GLIS3: variants seen among roughly 807,000 people sequenced by gnomAD.
GLIS3 encodes zinc finger protein GLIS3.
A neutral mutation model predicts 78.6 loss-of-function variants in GLIS3; 53 were observed. The ratio of observed to expected loss-of-function variants is 0.67; its 90% CI spans 0.54 to 0.85. The LOEUF is 0.85. Ranked by LOEUF, GLIS3 falls within the 40% of genes least tolerant of loss-of-function variation. The probability of loss-of-function intolerance (pLI) is 0.00; values close to 1 mark genes in which losing one functional copy is unlikely to be tolerated. For missense variants in GLIS3, 1,703 were observed against 1,231.1 expected, an observed-to-expected ratio of 1.38 and a Z score of -5.74; for synonymous variants, 684 against 509.9, an observed-to-expected ratio of 1.34 and a Z score of -4.60.
chr9:4,467,894 A>C, the GLIS3 span, among the ~76,000 whole-genome samples: 1 of 152,238 alleles, frequency 6.6e-6, no homozygotes, highest in Non-Finnish European at 1.5e-5. Flanking sequence ...ACCTTGAAAA[A>C]AGATTAGACG....
chr9:3,969,349 T>G (rs1289935818), intron 4 of GLIS3, among the ~76,000 whole-genome samples: 1 of 152,090 alleles, frequency 6.6e-6, no homozygotes, highest in Non-Finnish European at 1.5e-5. Context: ...CGAGCAAACC[T>G]TGTGCTATAC....
chr9:4,446,580 G>C, the GLIS3 span, among the ~76,000 whole-genome samples: 4 of 139,464 alleles, frequency 2.9e-5, no homozygotes, highest in Admixed American at 1.5e-4. Flanking sequence ...CATGATTTTA[G>C]TTCACTGCAA....
the GLIS3 span, among the ~76,000 whole-genome samples, chr9:4,358,214 G>A: frequency 1.3e-5 from 2 of 152,162 alleles, no homozygotes; most frequent in Non-Finnish European, 2.9e-5. Flanking sequence ...ACTAGTTGCT[G>A]CTAGAAAGTG....
chr9:4,111,343 T>C (rs1326028000), intron 4 of GLIS3, among the ~76,000 whole-genome samples: 2 of 152,202 alleles, frequency 1.3e-5, no homozygotes, highest in Non-Finnish European at 2.9e-5. Flanking sequence ...TTTTCATTCA[T>C]CCTAGAATCA....
chr9:4,040,393 G>A (rs900603146), intron 4 of GLIS3, among the ~76,000 whole-genome samples: 4 of 152,068 alleles, frequency 2.6e-5, no homozygotes, highest in African/African-American at 7.2e-5. Flanking sequence ...TGGCTGTTAG[G>A]TTTTTAAATT....
chr9:4,208,529 T>A lies in GLIS3; in HGVS notation c.388+77509A>T, dbSNP rs553467914. ...AACAAGTGCTCTCTTCTGCCATTGC[T>A]GGAGTGGGCAGGATTGGAAGAGCCA... On this transcript the variant is annotated intron_variant, in intron 2 of 10. Coordinates refer to ENST00000381971, the MANE Select transcript of GLIS3 (RefSeq NM_001042413.2). Among the ~76,000 whole-genome samples the A allele has an allele frequency of 2.6e-5, 4 of 152,288 alleles. No individual in the cohort carries two copies. The South Asian group carries it at 6.2e-4, about 24-fold the overall frequency.
At chr9:4,105,266 C>A (rs1830662444) in intron 4 of GLIS3, among the ~76,000 whole-genome samples, 1 of 151,996 alleles carries the variant, frequency 6.6e-6, no homozygotes, top group Admixed American at 6.6e-5. Context: ...TGAAATTATC[C>A]CCCATTGGAG....
At chr9:4,135,304 A>G (rs1021749918) in intron 2 of GLIS3, among the ~76,000 whole-genome samples, 3 of 152,178 alleles carry the variant, frequency 2.0e-5, no homozygotes, top group Non-Finnish European at 4.4e-5. Context: ...AAAAAGAAAA[A>G]GCTCATAATC....
chr9:4,089,102 A>T (rs186921531), intron 4 of GLIS3, among the ~76,000 whole-genome samples: 8 of 152,378 alleles, frequency 5.3e-5, no homozygotes, highest in African/African-American at 1.9e-4. Flanking sequence ...TTTATGAACT[A>T]GTCCCAAATA....
intron 2 of GLIS3, among the ~76,000 whole-genome samples, chr9:4,311,955 A>C (rs1587379309): frequency 1.5e-5 from 1 of 65,800 alleles, no homozygotes; most frequent in South Asian, 7.4e-4. Flanking sequence ...ACACAGAGAG[A>C]AGAACTACAG....
At position 4,279,100 on chromosome 9, in the gene GLIS3, G is replaced by A. The variant is rs375449317; in HGVS notation, c.388+6938C>T. Among the ~76,000 whole-genome samples the A allele has an allele frequency of 2.6e-5, 4 of 151,852 alleles. No homozygotes were observed. In the East Asian group the frequency reaches 7.7e-4, roughly 29 times the overall value. On this transcript the variant is annotated intron_variant, in intron 2 of 10. Transcript: ENST00000381971. ...GTGGATCATGAGGTCAGGAGTTCAA[G>A]ACCAGCCTGGCCAAGATGGTGAAAC... is the stretch of plus-strand genomic sequence containing the variant.
chr9:4,119,606 T>C (rs1832029394), intron 3 of GLIS3, among the ~76,000 whole-genome samples: 1 of 152,156 alleles, frequency 6.6e-6, no homozygotes, highest in Non-Finnish European at 1.5e-5. Flanking sequence ...ATTAGAGCCA[T>C]TCGGGATTTA....
chr9:4,270,911 GTGTGTGTGTGTGTGTGTGTGTGTA>G (rs1201665128), intron 2 of GLIS3, among the ~76,000 whole-genome samples: 10 of 139,676 alleles, frequency 7.2e-5, no homozygotes, highest in Admixed American at 2.9e-4. Flanking sequence ...GTGTGTGTGT[GTGTGTGTGTGTGTGTGTGTGTGTA>G]TACACAACTG....
chr9:4,002,370 A>C (rs534969972), intron 4 of GLIS3, among the ~76,000 whole-genome samples: 1 of 152,298 alleles, frequency 6.6e-6, no homozygotes, highest in African/African-American at 2.4e-5. Context: ...AAGACAATAA[A>C]TTTGTGTTAT....
intron 4 of GLIS3, among the ~76,000 whole-genome samples, chr9:4,088,397 A>G (rs1829224074): frequency 6.6e-6 from 1 of 152,260 alleles, no homozygotes; most frequent in Non-Finnish European, 1.5e-5. Flanking sequence ...GGAAAAATAA[A>G]TGTTCTCATT....
intron 9 of GLIS3, among the ~76,000 whole-genome samples, chr9:3,835,521 G>A (rs1035344947): frequency 6.6e-6 from 1 of 152,194 alleles, no homozygotes; most frequent in Non-Finnish European, 1.5e-5. Flanking sequence ...CAGGCTAAGT[G>A]CTATAGTTTT....
chr9:4,241,128 C>T (rs144415654), intron 2 of GLIS3, among the ~76,000 whole-genome samples: 107 of 152,220 alleles, frequency 7.0e-4, no homozygotes, highest in Non-Finnish European at 1.1e-3. Context: ...AACAAGGAAA[C>T]CTGCTTCTTT....
intron 2 of GLIS3, among the ~76,000 whole-genome samples, chr9:4,270,844 G>A (rs1450376105): frequency 2.6e-5 from 4 of 151,950 alleles, no homozygotes; most frequent in African/African-American, 9.7e-5. Flanking sequence ...TTTACTGCAT[G>A]AGCCAATTCC....
At chr9:4,396,421 G>A in the GLIS3 span, among the ~76,000 whole-genome samples, 8 of 152,102 alleles carry the variant, frequency 5.3e-5, no homozygotes, top group African/African-American at 1.9e-4. Context: ...GAGCCACCAT[G>A]CCCAGCCCAT....
Sources: allele counts gnomAD v4.1 joint callset (sites outside exome capture counted in the v4.1 genomes callset), GRCh38; gene constraint gnomAD v4.1.1; transcripts MANE v1.5; gene names NCBI Gene and HGNC (gene_info 2026-07-23, HGNC 2026-07-21).